The following CPQ variants were observed in gnomAD, a reference collection of about 807,000 sequenced individuals.
The protein encoded by CPQ is Ser-Met dipeptidase.
Under a neutral mutation model 45.7 loss-of-function variants are expected in CPQ, and 37 were observed. The ratio of observed to expected loss-of-function variants is 0.81; its 90% CI spans 0.62 to 1.07. The LOEUF (loss-of-function observed/expected upper bound fraction) is 1.07, where lower values mean the gene tolerates loss of function less well. CPQ is among the 50% of genes least tolerant of loss of function. CPQ has a pLI of 0.00. For missense variants in CPQ, 537 were observed against 572.9 expected (o/e 0.94, Z 0.64); for synonymous variants, 186 against 205.8 (o/e 0.90, Z 0.82).
At chr8:97,060,576 A>G (rs890627445) in intron 6 of CPQ, among the ~76,000 whole-genome samples, 1 of 152,100 alleles carries the variant, frequency 6.6e-6, no homozygotes, top group African/African-American at 2.4e-5. Flanking sequence ...ATAATATCTG[A>G]GTTTATCATT....
intron 7 of CPQ, among the ~76,000 whole-genome samples, chr8:97,115,888 T>A (rs767486160): frequency 6.6e-6 from 1 of 152,230 alleles, no homozygotes; most frequent in African/African-American, 2.4e-5. Context: ...ATAATTGTTT[T>A]TTTAAATTTT....
chr8:96,937,076 ACTGAGAGAT>A (rs1813061925), intron 4 of CPQ, among the ~76,000 whole-genome samples: 1 of 151,592 alleles, frequency 6.6e-6, no homozygotes, highest in South Asian at 2.1e-4. Context: ...GTCTCTTATG[ACTGAGAGAT>A]GCATAAGGCT....
At position 96,875,122 on chromosome 8, in the gene CPQ, G is replaced by A. The variant is rs115635712; in HGVS notation, c.642-4676G>A. ...TTTCATGTAATTATAGTCCATTTAT[G>A]TATCTTCTTTGGAGAAATGTCTATT... On this transcript the variant is annotated intron_variant, in intron 3 of 7. Coordinates refer to ENST00000220763, the MANE Select transcript of CPQ (RefSeq NM_016134.4). 4.7e-3 allele frequency among the ~76,000 whole-genome samples: 709 copies of A among 151,850 alleles called. 6 individuals are homozygous for A. The highest frequency in any genetic ancestry group is 0.016 in the African/African-American group (674 of 41,498).
At chr8:96,791,900 TCTC>T (rs2130814996) in intron 2 of CPQ, among the ~76,000 whole-genome samples, 2 of 152,240 alleles carry the variant, frequency 1.3e-5, no homozygotes, top group East Asian at 3.9e-4. Flanking sequence ...ATCTGTAAGG[TCTC>T]CTCTAGATTG....
chr8:97,077,097 T>C (rs1379768128), intron 7 of CPQ, among the ~76,000 whole-genome samples: 1 of 152,224 alleles, frequency 6.6e-6, no homozygotes, highest in Non-Finnish European at 1.5e-5. Context: ...GTTTACAAGA[T>C]GAATTTTCTG....
intron 7 of CPQ, among the ~76,000 whole-genome samples, chr8:97,075,071 C>CA (rs1267723822): frequency 1.3e-5 from 2 of 152,060 alleles, no homozygotes; most frequent in African/African-American, 4.8e-5. Flanking sequence ...ATGCCTAGAG[C>CA]ATCCAGGTCA....
intron 1 of CPQ, among the ~76,000 whole-genome samples, chr8:96,744,144 A>T (rs1015706312): frequency 1.3e-5 from 2 of 152,230 alleles, no homozygotes; most frequent in African/African-American, 4.8e-5. Flanking sequence ...TGGGTGTAGG[A>T]CCCTCTGAGC....
At chr8:96,870,641 T>C (rs575199432) in intron 3 of CPQ, among the ~76,000 whole-genome samples, 2 of 152,124 alleles carry the variant, frequency 1.3e-5, no homozygotes, top group African/African-American at 4.8e-5. Flanking sequence ...ATGGGGACAG[T>C]AAGAGTCCTT....
At chr8:96,912,683 G>A (rs1812682848) in intron 4 of CPQ, among the ~76,000 whole-genome samples, 1 of 152,160 alleles carries the variant, frequency 6.6e-6, no homozygotes, top group Non-Finnish European at 1.5e-5. Flanking sequence ...CCAGTTCTTT[G>A]AAGGAAATGG....
At chr8:97,090,150 C>A (rs908438156) in intron 7 of CPQ, among the ~76,000 whole-genome samples, 8 of 152,168 alleles carry the variant, frequency 5.3e-5, no homozygotes, top group Admixed American at 5.2e-4. Flanking sequence ...TTGATGGATT[C>A]TGAGAGTTCC....
intron 4 of CPQ, among the ~76,000 whole-genome samples, chr8:96,891,958 G>GGGGTT (rs1436918088): frequency 1.3e-5 from 2 of 152,190 alleles, no homozygotes; most frequent in Admixed American, 1.3e-4. Context: ...TTATAAGGAT[G>GGGGTT]GGGTTGGGAT....
In CPQ at chr8:96,854,557, A is replaced by AAAAAAAAAC. The variant is rs1554573253; in HGVS notation, c.641+19379_641+19380insAAAAAACAA. Among the ~76,000 whole-genome samples the AAAAAAAAAC allele has an allele frequency of 4.2e-4, 32 of 76,886 alleles. 8 individuals are homozygous for AAAAAAAAAC. Among genetic ancestry groups the AAAAAAAAAC allele is most frequent in the African/African-American group, 1.5e-3 (31 of 20,038 alleles). The allele number at this position is 76,886 out of a possible 152,430, so 50.4% of individuals were successfully genotyped here. A position where few individuals can be genotyped will look rare whatever the true frequency, so the allele number is the denominator to read the frequency against. ...AAAAAAAAAAAAAAAAAAAAAAAAAAAATGTGGTGGAACTAAAAGCCCAGT... is the reference window on the plus strand; with the variant it reads ...AAAAAAAAAAAAAAAAAAAAAAAAAAAAAAAAAACAATGTGGTGGAACTAAAAGCCCAGT... On this transcript the variant is annotated intron_variant, in intron 3 of 7. Transcript: ENST00000220763.
intron 2 of CPQ, among the ~76,000 whole-genome samples, chr8:96,798,030 G>A (rs1284062745): frequency 2.6e-5 from 4 of 151,260 alleles, no homozygotes; most frequent in African/African-American, 4.9e-5. Context: ...CAGCCTGGGC[G>A]GCAGAGCAAG....
intron 2 of CPQ, among the ~76,000 whole-genome samples, chr8:96,821,367 C>G (rs1811306117): frequency 6.6e-6 from 1 of 151,740 alleles, no homozygotes; most frequent in South Asian, 2.1e-4. Context: ...TTTGCCCAGA[C>G]CAATGTTCTG....
chr8:96,675,389 C>T (rs1488309819), intron 1 of CPQ, among the ~76,000 whole-genome samples: 1 of 152,064 alleles, frequency 6.6e-6, no homozygotes, highest in Non-Finnish European at 1.5e-5. Flanking sequence ...GCTACTTCTA[C>T]TGCATTCTTT....
chr8:96,719,248 G>T (rs1809729250), intron 1 of CPQ, among the ~76,000 whole-genome samples: 1 of 152,232 alleles, frequency 6.6e-6, no homozygotes, highest in Non-Finnish European at 1.5e-5. Flanking sequence ...GGCAGCTAAG[G>T]CTTGGTGAGA....
chr8:97,124,207 C>G (rs1305922631), intron 7 of CPQ, among the ~76,000 whole-genome samples: 1 of 104,372 alleles, frequency 9.6e-6, no homozygotes, highest in Non-Finnish European at 1.7e-5. Flanking sequence ...GCCTGGGCGA[C>G]AGAGCAAGAC....
chr8:96,720,847 G>T (rs112946962), intron 1 of CPQ, among the ~76,000 whole-genome samples: 104 of 152,134 alleles, frequency 6.8e-4, no homozygotes, highest in Admixed American at 1.9e-3. Context: ...ATTTTCATCC[G>T]TTGGGGATGA....
chr8:96,744,338 C>T (rs905627877), intron 1 of CPQ, among the ~76,000 whole-genome samples: 5 of 152,022 alleles, frequency 3.3e-5, no homozygotes, highest in African/African-American at 4.8e-5. Flanking sequence ...CTTCTGCTCT[C>T]GCACAGTGCG....
Sources: gnomAD v4.1 joint callset for allele counts (sites outside exome capture counted in the v4.1 genomes callset) on GRCh38, gnomAD v4.1.1 for gene constraint, MANE v1.5 for transcripts, NCBI Gene and HGNC (gene_info 2026-07-23, HGNC 2026-07-21) for gene names.